Variants in PIP4K2A observed in about 807,000 individuals in gnomAD.
PIP4K2A encodes phosphatidylinositol 5-phosphate 4-kinase type-2 alpha.
PIP4K2A carries 14 observed loss-of-function variants against 42.9 expected under a neutral mutation model. The ratio of observed to expected loss-of-function variants is 0.33; its 90% CI spans 0.22 to 0.51. The LOEUF (loss-of-function observed/expected upper bound fraction) is 0.51, where lower values mean the gene tolerates loss of function less well. Ranked by LOEUF, PIP4K2A falls within the 20% of genes least tolerant of loss-of-function variation. The pLI, the probability that PIP4K2A is intolerant of heterozygous loss-of-function variation, is 0.97. For missense variants in PIP4K2A, 434 were observed against 519.8 expected (o/e 0.83, Z 1.61); for synonymous variants, 192 against 192.2 (o/e 1.00, Z 0.01).
chr10:22,701,223 T>C (rs1833709595), intron 1 of PIP4K2A, among the ~76,000 whole-genome samples: 1 of 152,136 alleles, frequency 6.6e-6, no homozygotes, highest in Non-Finnish European at 1.5e-5. Context: ...AGCCCCCAAA[T>C]AACAATAATG....
At chr10:22,548,937 C>A (rs998817853) in intron 7 of PIP4K2A, among the ~76,000 whole-genome samples, 4 of 152,010 alleles carry the variant, frequency 2.6e-5, no homozygotes, top group Non-Finnish European at 5.9e-5. Flanking sequence ...GCCTGTAGTC[C>A]CAGCTACTAT....
chr10:22,566,989 A>G (rs1836862105), intron 6 of PIP4K2A, among the ~76,000 whole-genome samples: 1 of 152,240 alleles, frequency 6.6e-6, no homozygotes, highest in Non-Finnish European at 1.5e-5. Context: ...TGAACAAACA[A>G]AAGTAGATTT....
chr10:22,681,039 C>T (rs933122696), intron 1 of PIP4K2A, among the ~76,000 whole-genome samples: 1 of 152,098 alleles, frequency 6.6e-6, no homozygotes, highest in South Asian at 2.1e-4. Context: ...GGAAGTAGCC[C>T]TTATCTTCTA....
chr10:22,548,049 GGTCA>G (rs1298235484), intron 7 of PIP4K2A, among the ~76,000 whole-genome samples: 1 of 152,084 alleles, frequency 6.6e-6, no homozygotes, highest in Non-Finnish European at 1.5e-5. Context: ...AACTCCAATG[GGTCA>G]GTCAGCTAAA....
chr10:22,595,907 T>A (rs1837623486), intron 3 of PIP4K2A, among the ~76,000 whole-genome samples: 1 of 151,980 alleles, frequency 6.6e-6, no homozygotes, highest in South Asian at 2.1e-4. Flanking sequence ...TTTATGACTC[T>A]AAAAATGGAT....
At chr10:22,559,168 A>C (rs1836623901) in intron 6 of PIP4K2A, among the ~76,000 whole-genome samples, 1 of 152,194 alleles carries the variant, frequency 6.6e-6, no homozygotes, top group Admixed American at 6.5e-5. Flanking sequence ...ACTCCTCTAG[A>C]TCTCTGGTTT....
intron 3 of PIP4K2A, among the ~76,000 whole-genome samples, chr10:22,602,911 C>G (rs10828324): frequency 0.23 from 35,638 of 151,960 alleles, 4,417 homozygotes; most frequent in Non-Finnish European, 0.26. Flanking sequence ...AGGCAGCCAG[C>G]AAACACAAAC....
At chr10:22,574,438 TTTTCTG>T (rs1472113900) in intron 4 of PIP4K2A, among the ~76,000 whole-genome samples, 1 of 46,302 alleles carries the variant, frequency 2.2e-5, no homozygotes, top group Non-Finnish European at 4.4e-5. Flanking sequence ...GAATTTTTCA[TTTTCTG>T]TTTTTTTTTT....
intron 3 of PIP4K2A, 157 bp downstream of exon 3, chr10:22,607,770 C>A: frequency 1.9e-6 from 1 of 539,604 alleles, no homozygotes; most frequent in Non-Finnish European, 3.4e-6. Context: ...CAAGAGAACA[C>A]TTTACTTCAG....
At position 22,640,025 on chromosome 10, in the gene PIP4K2A, T is replaced by C. The variant is rs1195705323; in HGVS notation, c.145-30308A>G. ...CATGGATGTGTTGTCTTTTTTTTTT[T>C]TTTTTTTTTTTTTTTTTAAGGAAAA... On this transcript the variant is annotated intron_variant, in intron 1 of 9. Transcript: ENST00000376573. 1.2e-3 allele frequency among the ~76,000 whole-genome samples: 89 copies of C among 71,710 alleles called. 2 individuals carry two copies. The highest frequency in any genetic ancestry group is 4.0e-3 in the African/African-American group (87 of 21,710). The allele number at this position is 71,710 out of a possible 152,430, so 47.0% of individuals were successfully genotyped here.
At chr10:22,683,361 C>T (rs1207705480) in intron 1 of PIP4K2A, among the ~76,000 whole-genome samples, 1 of 152,058 alleles carries the variant, frequency 6.6e-6, no homozygotes, top group Admixed American at 6.6e-5. Context: ...GGTACAGACC[C>T]CAAGTTTTCG....
intron 8 of PIP4K2A, among the ~76,000 whole-genome samples, chr10:22,540,901 G>C (rs1836090146): frequency 6.6e-6 from 1 of 152,128 alleles, no homozygotes; most frequent in Admixed American, 6.5e-5. Flanking sequence ...AGTAAGAAAA[G>C]TACATTTGAC....
At chr10:22,663,891 T>C (rs939969849) in intron 1 of PIP4K2A, among the ~76,000 whole-genome samples, 4 of 150,690 alleles carry the variant, frequency 2.7e-5, no homozygotes, top group Admixed American at 1.3e-4. Flanking sequence ...ATCAACAGAG[T>C]TGCATGATAA....
chr10:22,555,323 G>A (rs1167834298), intron 6 of PIP4K2A, among the ~76,000 whole-genome samples: 1 of 152,100 alleles, frequency 6.6e-6, no homozygotes, highest in Non-Finnish European at 1.5e-5. Context: ...CTTTAAAGGG[G>A]GATTTGCAAA....
chr10:22,658,689 A>G (rs544864947), intron 1 of PIP4K2A, among the ~76,000 whole-genome samples: 1 of 152,222 alleles, frequency 6.6e-6, no homozygotes, highest in Non-Finnish European at 1.5e-5. Context: ...AAAAGATCCC[A>G]TAAGAATGAG....
At position 22,562,266 on chromosome 10, in the gene PIP4K2A, T is replaced by C. The variant is rs1467572171; in HGVS notation, c.678+5585A>G. 3.3e-5 allele frequency among the ~76,000 whole-genome samples: 5 copies of C among 152,306 alleles called. No homozygotes were observed. The South Asian group carries it at 8.3e-4, about 25-fold the overall frequency. ...AAACAATGTTTTTAAGAGTTCGGCT[T>C]GGCCGGGCGCGGTGGCTAATGCCTG... On this transcript the variant is annotated intron_variant, in intron 6 of 9. Transcript: ENST00000376573.
intron 1 of PIP4K2A, among the ~76,000 whole-genome samples, chr10:22,663,538 G>A (rs956442593): frequency 2.0e-5 from 3 of 152,110 alleles, no homozygotes; most frequent in Non-Finnish European, 2.9e-5. Flanking sequence ...ACTGACAAAT[G>A]TATGTAGGTA....
At chr10:22,604,199 A>G (rs1837856062) in intron 3 of PIP4K2A, among the ~76,000 whole-genome samples, 2 of 152,196 alleles carry the variant, frequency 1.3e-5, no homozygotes. Flanking sequence ...TTACTGAGAA[A>G]GCAGGAATGT....
intron 1 of PIP4K2A, among the ~76,000 whole-genome samples, chr10:22,670,600 G>A (rs1252674216): frequency 6.6e-6 from 1 of 152,026 alleles, no homozygotes; most frequent in African/African-American, 2.4e-5. Flanking sequence ...CAAAAATTTT[G>A]TCTCACCCAT....
Sources: gnomAD v4.1 joint callset for allele counts (sites outside exome capture counted in the v4.1 genomes callset) on GRCh38, gnomAD v4.1.1 for gene constraint, MANE v1.5 for transcripts, NCBI Gene and HGNC (gene_info 2026-07-23, HGNC 2026-07-21) for gene names.